The following CAB39 variants were observed in gnomAD, a reference collection of about 807,000 sequenced individuals.
CAB39 encodes calcium-binding protein 39.
Under a neutral mutation model 40.0 loss-of-function variants are expected in CAB39, and 8 were observed. That is an observed-to-expected ratio of 0.20 (90% CI 0.12 to 0.36). The LOEUF (loss-of-function observed/expected upper bound fraction) is 0.36. CAB39 is among the 10% of genes least tolerant of loss of function. The probability of loss-of-function intolerance (pLI) is 1.00; values close to 1 mark genes in which losing one functional copy is unlikely to be tolerated. For missense variants in CAB39, 270 were observed against 401.1 expected, an observed-to-expected ratio of 0.67 and a Z score of 2.79; for synonymous variants, 156 against 141.6, an observed-to-expected ratio of 1.10 and a Z score of -0.72.
chr2:230,763,453 A>G (rs1424375102), intron 2 of CAB39, among the ~76,000 whole-genome samples: 1 of 152,104 alleles, frequency 6.6e-6, no homozygotes, highest in Non-Finnish European at 1.5e-5. Context: ...TTAGCCAGGC[A>G]CGGTGGCACA....
At chr2:230,758,297 CAA>C (rs201939916) in intron 1 of CAB39, among the ~76,000 whole-genome samples, 129 of 73,360 alleles carry the variant, frequency 1.8e-3, no homozygotes, top group Admixed American at 4.0e-3. Flanking sequence ...AGCGAGACTC[CAA>C]AAAAAAAAAA....
intron 2 of CAB39, among the ~76,000 whole-genome samples, chr2:230,776,359 A>G (rs910443635): frequency 2.0e-5 from 3 of 152,204 alleles, no homozygotes; most frequent in African/African-American, 7.2e-5. Context: ...GTAACCTCTC[A>G]CATAACTATA....
chr2:230,756,894 T>C (rs1402687435), intron 1 of CAB39, among the ~76,000 whole-genome samples: 1 of 152,184 alleles, frequency 6.6e-6, no homozygotes, highest in African/African-American at 2.4e-5. Context: ...GGTTTCACCA[T>C]GTTGGTCAGG....
At chr2:230,754,539 T>C (rs950811570) in intron 1 of CAB39, among the ~76,000 whole-genome samples, 3 of 150,794 alleles carry the variant, frequency 2.0e-5, no homozygotes, top group African/African-American at 7.3e-5. Context: ...CCCCCTCCTC[T>C]TCTCCGTCTT....
chr2:230,751,991 G>C (rs1243041613), intron 1 of CAB39: 1 of 142,376 alleles, frequency 7.0e-6, no homozygotes, highest in African/African-American at 2.6e-5. Flanking sequence ...GATGGACTTA[G>C]ATGCAGGAGT....
At chr2:230,800,247 G>C (rs765388436) in intron 5 of CAB39, among the ~76,000 whole-genome samples, 14 of 152,094 alleles carry the variant, frequency 9.2e-5, no homozygotes, top group Non-Finnish European at 1.9e-4. Flanking sequence ...CCTAAAGATA[G>C]GATGAAACCT....
At chr2:230,734,765 C>G (rs1291365109) in intron 1 of CAB39, among the ~76,000 whole-genome samples, 2 of 150,794 alleles carry the variant, frequency 1.3e-5, no homozygotes, top group African/African-American at 5.0e-5. Context: ...CTGAGGGAGT[C>G]TAAAGAGCTG....
intron 5 of CAB39, among the ~76,000 whole-genome samples, chr2:230,806,694 T>C (rs1696201276): frequency 6.6e-6 from 1 of 152,162 alleles, no homozygotes; most frequent in African/African-American, 2.4e-5. Context: ...GCTCTGATGG[T>C]TCCTGGCATA....
rs181718692 is a variant in CAB39, at chr2:230,780,855, G to T, written c.115-10017G>T. 1.1e-3 allele frequency among the ~76,000 whole-genome samples: 161 copies of T among 152,272 alleles called. 1 individual carries two copies. Among genetic ancestry groups the T allele is most frequent in the African/African-American group, 3.5e-3 (145 of 41,536 alleles). ...CCCAACACTTTGAGAGGCTGAGGGGGCTGATAACTCGAGCTCAGGAGTTTG... is the reference window on the plus strand; with the variant it reads ...CCCAACACTTTGAGAGGCTGAGGGGTCTGATAACTCGAGCTCAGGAGTTTG... On this transcript the variant is annotated intron_variant, in intron 2 of 8. Transcript: ENST00000258418.
chr2:230,762,411 A>G (rs931812603), intron 2 of CAB39, among the ~76,000 whole-genome samples: 4 of 152,200 alleles, frequency 2.6e-5, no homozygotes, highest in African/African-American at 7.2e-5. Context: ...TCACAGTTGG[A>G]CATCTTCAAC....
chr2:230,769,313 A>G (rs1467822303), intron 2 of CAB39, among the ~76,000 whole-genome samples: 1 of 152,222 alleles, frequency 6.6e-6, no homozygotes, highest in Non-Finnish European at 1.5e-5. Context: ...ATAGTTGGAG[A>G]TTTCAGTACC....
intron 1 of CAB39, among the ~76,000 whole-genome samples, chr2:230,726,699 AT>A (rs1694578723): frequency 6.6e-6 from 1 of 151,708 alleles, no homozygotes; most frequent in Non-Finnish European, 1.5e-5. Context: ...AAAATCATCC[AT>A]TTCTGTTCTT....
chr2:230,724,729 T>A (rs1575900069), intron 1 of CAB39, among the ~76,000 whole-genome samples: 1 of 144,274 alleles, frequency 6.9e-6, no homozygotes, highest in African/African-American at 2.6e-5. Flanking sequence ...AAAACCTCTA[T>A]GAGTAGTTTA....
chr2:230,815,286 G>C (rs549977152), intron 7 of CAB39, among the ~76,000 whole-genome samples: 6 of 152,222 alleles, frequency 3.9e-5, no homozygotes, highest in Non-Finnish European at 8.8e-5. Context: ...ATTCATTGCT[G>C]TTGCTTGGGC....
At chr2:230,720,505 G>A (rs533403007) in intron 1 of CAB39, among the ~76,000 whole-genome samples, 3 of 151,950 alleles carry the variant, frequency 2.0e-5, no homozygotes, top group Admixed American at 6.6e-5. Flanking sequence ...GCGTGATCTC[G>A]GCTCACTGCA....
At position 230,798,850 on chromosome 2, in the gene CAB39, G is replaced by A. The variant is rs372860193; in HGVS notation, c.520G>A (p.Glu174Lys). 7.5e-6 allele frequency: 12 copies of A among 1,607,536 alleles called. No individual in the cohort carries two copies. Among genetic ancestry groups the A allele is most frequent in the African/African-American group, 6.7e-5 (5 of 74,810 alleles). The change falls in exon 5 of 9, where the codon GAA becomes AAA. Residue 174 changes from glutamate to lysine, a missense_variant. Physicochemically the swap from Glu to Lys is moderately conservative, Grantham distance 56. Coordinates refer to ENST00000258418, the MANE Select transcript of CAB39 (RefSeq NM_016289.4). The stretch of plus-strand genomic sequence containing the variant: ...GTTTTATGATTTCTTCAGATATGTC[G>A]AAATGTCAACATTTGACATAGCTTC... ...EQFYDFFRYV[E>K]MSTFDIASDA...
At chr2:230,755,560 A>G (rs1559599411) in intron 1 of CAB39, among the ~76,000 whole-genome samples, 1 of 152,086 alleles carries the variant, frequency 6.6e-6, no homozygotes, top group Non-Finnish European at 1.5e-5. Flanking sequence ...TCAGATGTAT[A>G]GATTGTGAAG....
At chr2:230,714,391 A>G (rs1361430014) in intron 1 of CAB39, among the ~76,000 whole-genome samples, 1 of 152,230 alleles carries the variant, frequency 6.6e-6, no homozygotes, top group Non-Finnish European at 1.5e-5. Flanking sequence ...CAGATAATCA[A>G]GTAAATCCAT....
intron 7 of CAB39, 99 bp downstream of exon 7, chr2:230,814,213 G>C: frequency 1.6e-6 from 1 of 612,422 alleles, no homozygotes; most frequent in Non-Finnish European, 2.8e-6. Context: ...ATAGACCTTT[G>C]GGGGAAATAA....
Sources: gnomAD v4.1 joint callset for allele counts (sites outside exome capture counted in the v4.1 genomes callset) on GRCh38, gnomAD v4.1.1 for gene constraint, MANE v1.5 for transcripts, NCBI Gene and HGNC (gene_info 2026-07-23, HGNC 2026-07-21) for gene names.